The following PTPRD variants were observed in gnomAD, a reference collection of about 807,000 sequenced individuals.
The protein encoded by PTPRD is protein tyrosine phosphatase receptor type D.
In PTPRD, 34 loss-of-function variants were observed where a neutral mutation model predicts 214.5. That is an observed-to-expected ratio of 0.16 (90% CI 0.12 to 0.21). The LOEUF is 0.21. Ranked by LOEUF, PTPRD falls within the 10% of genes least tolerant of loss-of-function variation. The pLI, the probability that PTPRD is intolerant of heterozygous loss-of-function variation, is 1.00. For missense variants in PTPRD, 2,545 were observed against 2,398.7 expected, an observed-to-expected ratio of 1.06 and a Z score of -1.27; for synonymous variants, 1,128 against 845.7, an observed-to-expected ratio of 1.33 and a Z score of -5.79.
At chr9:8,645,182 T>C (rs913670425) in intron 12 of PTPRD, among the ~76,000 whole-genome samples, 1 of 152,246 alleles carries the variant, frequency 6.6e-6, no homozygotes, top group Non-Finnish European at 1.5e-5. Context: ...TTTCACTAGC[T>C]AAGTGAGAAA....
intron 9 of PTPRD, among the ~76,000 whole-genome samples, chr9:9,323,154 G>A (rs1197078166): frequency 6.6e-6 from 1 of 151,978 alleles, no homozygotes; most frequent in Non-Finnish European, 1.5e-5. Context: ...GTATTATAGA[G>A]CAAGATTTGA....
At chr9:9,758,012 C>G (rs569845923) in intron 6 of PTPRD, among the ~76,000 whole-genome samples, 3 of 152,010 alleles carry the variant, frequency 2.0e-5, no homozygotes, top group Non-Finnish European at 4.4e-5. Flanking sequence ...AGTTCCACTG[C>G]CATATCTGCC....
At chr9:9,668,192 T>C (rs907396410) in intron 7 of PTPRD, among the ~76,000 whole-genome samples, 2 of 152,136 alleles carry the variant, frequency 1.3e-5, no homozygotes, top group African/African-American at 4.8e-5. Context: ...CAATAACTGA[T>C]TATAAGCACA....
chr9:9,537,793 C>G (rs1051161592), intron 8 of PTPRD, among the ~76,000 whole-genome samples: 2 of 151,742 alleles, frequency 1.3e-5, no homozygotes, highest in Non-Finnish European at 2.9e-5. Flanking sequence ...CAGATACCAC[C>G]CATTATATAA....
chr9:10,509,473 CTATCTAT>C (rs2047215312), intron 2 of PTPRD, among the ~76,000 whole-genome samples: 1 of 74,350 alleles, frequency 1.3e-5, no homozygotes, highest in Non-Finnish European at 3.0e-5. Flanking sequence ...ATTGATCCAT[CTATCTAT>C]CTATCTATCT....
At chr9:8,939,840 G>C (rs990513188) in intron 11 of PTPRD, among the ~76,000 whole-genome samples, 1 of 151,692 alleles carries the variant, frequency 6.6e-6, no homozygotes, top group Non-Finnish European at 1.5e-5. Flanking sequence ...TGTTGTACTT[G>C]GTGATAGTTT....
intron 3 of PTPRD, among the ~76,000 whole-genome samples, chr9:10,079,202 T>C (rs956808744): frequency 9.2e-5 from 14 of 152,022 alleles, no homozygotes; most frequent in Admixed American, 2.6e-4. Context: ...GCTTCCGAAC[T>C]CCATGTTTCC....
intron 10 of PTPRD, among the ~76,000 whole-genome samples, chr9:9,133,352 C>A (rs1237609380): frequency 6.6e-6 from 1 of 152,136 alleles, no homozygotes; most frequent in Non-Finnish European, 1.5e-5. Flanking sequence ...TCCCCGGGGA[C>A]ATTTATTTTG....
intron 14 of PTPRD, among the ~76,000 whole-genome samples, chr9:8,529,328 C>T (rs1271940849): frequency 6.6e-6 from 1 of 152,044 alleles, no homozygotes; most frequent in Non-Finnish European, 1.5e-5. Context: ...TTTCTTATAA[C>T]TCTGTTTTCC....
At chr9:9,020,580 G>A (rs2099563681) in intron 10 of PTPRD, among the ~76,000 whole-genome samples, 1 of 152,130 alleles carries the variant, frequency 6.6e-6, no homozygotes, top group Non-Finnish European at 1.5e-5. Context: ...TGCACGTGCT[G>A]CCATTTTCTG....
intron 5 of PTPRD, among the ~76,000 whole-genome samples, chr9:9,874,520 C>A (rs2066328086): frequency 6.6e-6 from 1 of 152,056 alleles, no homozygotes; most frequent in Non-Finnish European, 1.5e-5. Context: ...TTCACCAATC[C>A]AGAGACCTAA....
chr9:8,654,918 G>A (rs1342514230), intron 12 of PTPRD, among the ~76,000 whole-genome samples: 1 of 151,912 alleles, frequency 6.6e-6, no homozygotes, highest in East Asian at 1.9e-4. Context: ...TTTTCTGTTA[G>A]ACTTTCCCTG....
chr9:10,252,546 G>C (rs920439178), intron 3 of PTPRD, among the ~76,000 whole-genome samples: 32 of 151,876 alleles, frequency 2.1e-4, no homozygotes, highest in South Asian at 4.2e-4. Flanking sequence ...CACTCCCAGA[G>C]TAATAAGAGA....
chr9:8,844,635 A>G lies in PTPRD; in HGVS notation c.-103-110689T>C, dbSNP rs143502669. Among the ~76,000 whole-genome samples the G allele has an allele frequency of 2.7e-4, 41 of 152,342 alleles. No homozygotes were observed. In the East Asian group the frequency reaches 7.3e-3, roughly 27 times the overall value. ...TGATTTATTAAGGATAATGAAGCAT[A>G]TGATTTAATAGCTGCCACAAATCCT... On this transcript the variant is annotated intron_variant, in intron 11 of 45. Coordinates refer to ENST00000381196, the MANE Select transcript of PTPRD (RefSeq NM_002839.4).
intron 5 of PTPRD, among the ~76,000 whole-genome samples, chr9:9,880,846 A>C (rs2068445298): frequency 6.6e-6 from 1 of 152,092 alleles, no homozygotes; most frequent in Admixed American, 6.6e-5. Context: ...TTTGCTGGTC[A>C]TTTATTTTTT....
At position 9,665,643 on chromosome 9, in the gene PTPRD, A is replaced by C. The variant is rs371161875; in HGVS notation, c.-287+68890T>G. Among the ~76,000 whole-genome samples, 37 of 151,834 alleles carry C rather than the reference A, an allele frequency of 2.4e-4. No homozygotes were observed. The South Asian group carries it at 5.8e-3, about 24-fold the overall frequency. ...GGAATTTCGAGGTTCATTCTCTCTC[A>C]GCTGTGTCTCCACCTTCCACATGTA... On this transcript the variant is annotated intron_variant, in intron 7 of 45. Transcript: ENST00000381196.
chr9:9,429,564 A>T (rs1318902364), intron 8 of PTPRD, among the ~76,000 whole-genome samples: 2 of 152,212 alleles, frequency 1.3e-5, no homozygotes, highest in Non-Finnish European at 2.9e-5. Context: ...GGCCAGCATC[A>T]TCCTGATACC....
rs2099060502 is a variant in PTPRD at position 10,476,050 on chromosome 9, G to A, written c.-599-135033C>T. Among the ~76,000 whole-genome samples the A allele has an allele frequency of 2.0e-5, 3 of 152,058 alleles. No individual in the cohort carries two copies. In the South Asian group the frequency reaches 6.2e-4, roughly 32 times the overall value. On this transcript the variant is annotated intron_variant, in intron 2 of 45. Coordinates refer to ENST00000381196, the MANE Select transcript of PTPRD (RefSeq NM_002839.4). ...CATACTGAATGGGGAAAAGCTGGAA[G>A]GATTCCCTTTGAAAACTGGCACAAA...
chr9:9,828,227 C>G (rs892566384), intron 5 of PTPRD, among the ~76,000 whole-genome samples: 1 of 152,104 alleles, frequency 6.6e-6, no homozygotes, highest in Non-Finnish European at 1.5e-5. Flanking sequence ...TGGCACTATT[C>G]ACAATAGCAA....
Sources: gnomAD v4.1 joint callset for allele counts (sites outside exome capture counted in the v4.1 genomes callset) on GRCh38, gnomAD v4.1.1 for gene constraint, MANE v1.5 for transcripts, NCBI Gene and HGNC (gene_info 2026-07-23, HGNC 2026-07-21) for gene names.